Variants in MKKS observed in about 807,000 individuals in gnomAD.
MKKS encodes MKKS centrosomal shuttling protein.
A neutral mutation model predicts 33.2 loss-of-function variants in MKKS; 29 were observed. The ratio of observed to expected loss-of-function variants is 0.87; its 90% CI spans 0.65 to 1.19. The LOEUF is 1.19. Ranked by LOEUF, MKKS falls within the 50% of genes most tolerant of loss-of-function variation. MKKS has a pLI of 0.00. For missense variants in MKKS, 661 were observed against 662.3 expected, an observed-to-expected ratio of 1.00 and a Z score of 0.02; for synonymous variants, 260 against 244.0, an observed-to-expected ratio of 1.07 and a Z score of -0.61.
intron 1 of MKKS, among the ~76,000 whole-genome samples, chr20:10,425,873 A>G (rs2065011237): frequency 6.6e-6 from 1 of 152,214 alleles, no homozygotes; most frequent in African/African-American, 2.4e-5. Flanking sequence ...TTCTTTAAAC[A>G]TATTTCTAAA....
intron 2 of MKKS, among the ~76,000 whole-genome samples, chr20:10,414,528 G>A (rs556411413): frequency 1.4e-4 from 22 of 152,224 alleles, no homozygotes; most frequent in African/African-American, 5.3e-4. Flanking sequence ...GCCTCCCAAA[G>A]TGCTGGGATT....
rs570622601 is a variant in MKKS at position 10,413,054 on chromosome 20, A to C, written c.461T>G (p.Val154Gly). The change falls in exon 3 of 6, where the codon GTG (valine) becomes GGG (glycine). Residue 154 changes from valine (V) to glycine (G), a missense_variant. Physicochemically the swap from Val to Gly is moderately radical, Grantham distance 109 (BLOSUM62 -3). Transcript: ENST00000347364. Reference sequence around the variant, plus strand: ...AGGTTTACTTGTTAATATACTACGCACCAAACAAAGGAGGATCTGAGTACT... The same window carrying C: ...AGGTTTACTTGTTAATATACTACGCCCCAAACAAAGGAGGATCTGAGTACT... ...FSSTQILLCL[V>G]RSILTSKPAC... 2.5e-6 allele frequency: 4 copies of C among 1,614,044 alleles called. No individual in the cohort carries two copies. In the African/African-American group the frequency reaches 4.0e-5, roughly 16 times the overall value.
At chr20:10,426,544 C>T (rs896153295) in intron 1 of MKKS, among the ~76,000 whole-genome samples, 5 of 152,180 alleles carry the variant, frequency 3.3e-5, no homozygotes, top group African/African-American at 1.2e-4. Flanking sequence ...AGATTACAGG[C>T]CCACGCCACC....
Position 10,413,536 on chromosome 20 carries a change from T to A in MKKS, c.-22A>T. On this transcript the variant is annotated 5_prime_UTR_variant, in exon 3 of 6. Transcript: ENST00000347364. ...ACATCTTACTTCAGGTGGTAACTAG[T>A]GAAGACCGTTTTTATTTTGTAAACC... is the stretch of plus-strand genomic sequence containing the variant. 6.2e-7 allele frequency: 1 copy of A among 1,613,874 alleles called. No homozygotes were observed.
intron 1 of MKKS, among the ~76,000 whole-genome samples, chr20:10,431,527 A>AAAACCAAACCAAACC (rs60563851): frequency 7.2e-4 from 109 of 150,844 alleles, no homozygotes; most frequent in African/African-American, 2.5e-3. Flanking sequence ...ATAGGGTCAA[A>AAAACCAAACCAAACC]AAACCAAACC....
intron 1 of MKKS, among the ~76,000 whole-genome samples, chr20:10,430,912 A>T (rs985063464): frequency 3.9e-5 from 6 of 152,244 alleles, no homozygotes; most frequent in East Asian, 1.9e-4. Context: ...GGTCTGAAAC[A>T]ACGTTTTACA....
At position 10,412,633 on chromosome 20, in the gene MKKS, T is replaced by C. The variant is rs1879950095; in HGVS notation, c.882A>G (p.Gln294=). Reference sequence around the variant, plus strand: ...GCTTCAAAGATGGATGTATAACTTTTTGGCACAGGACAAGATCTACGTGGT... The same window carrying C: ...GCTTCAAAGATGGATGTATAACTTTCTGGCACAGGACAAGATCTACGTGGT... ...ISDHVDLVLC[Q]KVIHPSLKQF... Residue 294 remains glutamine, a synonymous_variant, in exon 3 of 6, where the codon CAA becomes CAG. Transcript: ENST00000347364. 6.2e-7 allele frequency: 1 copy of C among 1,614,076 alleles called. No individual in the cohort carries two copies. Among genetic ancestry groups the C allele is most frequent in the African/African-American group, 1.3e-5 (1 of 74,928 alleles).
chr20:10,416,776 T>C (rs113384492), intron 2 of MKKS, among the ~76,000 whole-genome samples: 6 of 152,294 alleles, frequency 3.9e-5, no homozygotes, highest in African/African-American at 1.4e-4. Context: ...TAGACCCATA[T>C]ATGGTGGTTG....
At chr20:10,414,424 C>T (rs2064922199) in intron 2 of MKKS, among the ~76,000 whole-genome samples, 1 of 152,064 alleles carries the variant, frequency 6.6e-6, no homozygotes, top group South Asian at 2.1e-4. Flanking sequence ...CGCCACCATG[C>T]CCAGCTAATT....
chr20:10,426,374 G>A (rs990183442), intron 1 of MKKS, among the ~76,000 whole-genome samples: 2 of 152,178 alleles, frequency 1.3e-5, no homozygotes, highest in African/African-American at 4.8e-5. Context: ...GATCACTGAG[G>A]TCAACTAGCT....
chr20:10,407,579 A>G, intron 5 of MKKS, 37 bp downstream of exon 5: 1 of 1,566,996 alleles, frequency 6.4e-7, no homozygotes, highest in Non-Finnish European at 8.8e-7. Context: ...AAAGTTGCTG[A>G]GAATTCAGGT....
In MKKS at chr20:10,413,458, A is replaced by G. The variant is rs766079324; in HGVS notation, c.57T>C (p.Thr19=). The G allele has an allele frequency of 4.3e-6, 7 of 1,614,080 alleles. No individual in the cohort carries two copies. The South Asian group carries it at 7.7e-5, about 18-fold the overall frequency. Residue 19 remains threonine, a synonymous_variant, in exon 3 of 6, where the codon ACT becomes ACC. Coordinates refer to ENST00000347364, the MANE Select transcript of MKKS (RefSeq NM_170784.3). ...PSLCKSEPLT[T]ERVRTTLSVL... is the part of the protein sequence containing the mutation. Reference sequence around the variant, plus strand: ...CAGAAAGTGTGGTCCTGACTCTCTCAGTTGTCAGTGGTTCACTCTTACACA... The same window carrying G: ...CAGAAAGTGTGGTCCTGACTCTCTCGGTTGTCAGTGGTTCACTCTTACACA...
At chr20:10,412,391 C>G (rs1223991709) in intron 3 of MKKS, 139 bp downstream of exon 3, 8 of 867,836 alleles carry the variant, frequency 9.2e-6, no homozygotes, top group African/African-American at 3.3e-5. Flanking sequence ...TTTCCAGAAA[C>G]CTTTGCTGCC....
At chr20:10,417,652 T>C (rs1421590924) in intron 2 of MKKS, among the ~76,000 whole-genome samples, 2 of 137,784 alleles carry the variant, frequency 1.5e-5, no homozygotes, top group Non-Finnish European at 3.1e-5. Flanking sequence ...CTACTGCTAC[T>C]GCACTGTAGC....
chr20:10,418,412 T>C (rs993791161), intron 2 of MKKS, among the ~76,000 whole-genome samples: 2 of 152,206 alleles, frequency 1.3e-5, no homozygotes, highest in African/African-American at 2.4e-5. Context: ...TAATTTTCCA[T>C]AATGAAAATA....
chr20:10,432,001 G>C (rs969103377), intron 1 of MKKS: 1 of 152,266 alleles, frequency 6.6e-6, no homozygotes, highest in African/African-American at 2.4e-5. Flanking sequence ...GTGCCACCCT[G>C]ACCCCCCTAA....
rs1451914942 is a variant in MKKS, at chr20:10,407,722, G to A, written c.1166C>T (p.Thr389Met). 5 of 1,612,856 alleles carry A rather than the reference G, an allele frequency of 3.1e-6. No individual in the cohort carries two copies. The highest frequency in any genetic ancestry group is 1.3e-5 in the African/African-American group (1 of 74,984). ...CAGGACATGCAGTGCCGTCTGACAC[G>A]TGAGCTAAGAAAAAACCCAAATCAT... ...NDTAWDELKL[T>M]CQTALHVLQL... The change falls in exon 5 of 6, where the codon ACG becomes ATG. Residue 389 changes from threonine to methionine, a missense_variant. By Grantham distance (81) the Thr-to-Met change is moderately conservative. Coordinates refer to ENST00000347364, the MANE Select transcript of MKKS (RefSeq NM_170784.3).
chr20:10,406,711 C>A (rs2064846417), intron 5 of MKKS, among the ~76,000 whole-genome samples: 1 of 152,128 alleles, frequency 6.6e-6, no homozygotes, highest in Non-Finnish European at 1.5e-5. Flanking sequence ...GACTACTTTC[C>A]TACTCAAGAC....
intron 1 of MKKS, among the ~76,000 whole-genome samples, chr20:10,427,946 T>C (rs2065027560): frequency 6.6e-6 from 1 of 152,098 alleles, no homozygotes; most frequent in South Asian, 2.1e-4. Flanking sequence ...GAGTCAGGAG[T>C]GGATCTGCAG....
Sources: allele counts gnomAD v4.1 joint callset (sites outside exome capture counted in the v4.1 genomes callset), GRCh38; gene constraint gnomAD v4.1.1; transcripts MANE v1.5; gene names NCBI Gene and HGNC (gene_info 2026-07-23, HGNC 2026-07-21).